Variants in OR2M3 observed in about 807,000 individuals in gnomAD.
The protein encoded by OR2M3 is olfactory receptor family 2 subfamily M member 3.
In OR2M3, 1 loss-of-function variant was observed where a neutral mutation model predicts 4.3. The ratio of observed to expected loss-of-function variants is 0.23; its 90% CI spans 0.08 to 1.11. The LOEUF (loss-of-function observed/expected upper bound fraction) is 1.11. Among genes scored for constraint, OR2M3 ranks in the 50% most tolerant of loss-of-function variants. The pLI is 0.54. For missense variants in OR2M3, 410 were observed against 390.4 expected, an observed-to-expected ratio of 1.05 and a Z score of -0.42; for synonymous variants, 151 against 139.4, an observed-to-expected ratio of 1.08 and a Z score of -0.59.
Position 248,203,237 on chromosome 1 carries a change from C to G in OR2M3, c.170C>G (p.Thr57Ser), listed in dbSNP as rs138886689. 1 of 1,614,052 alleles carries G rather than the reference C, an allele frequency of 6.2e-7. No individual in the cohort carries two copies. Among genetic ancestry groups the G allele is most frequent in the Admixed American group, 1.7e-5 (1 of 60,002 alleles). The change falls in exon 2 of 2, where the codon ACC (threonine) becomes AGC (serine). Residue 57 changes from threonine to serine, a missense_variant. Thr to Ser is a moderately conservative substitution (Grantham distance 58, BLOSUM62 1). Coordinates refer to ENST00000641626, the MANE Select transcript of OR2M3 (RefSeq NM_001004689.2). Reference protein sequence around the residue: ...LLIYLDTQLHTPMYLLLSQLS... With the variant: ...LLIYLDTQLHSPMYLLLSQLS... ...ATCTACCTGGACACCCAGCTCCACACCCCCATGTACCTCCTCCTCAGCCAA... is the reference window on the plus strand; with the variant it reads ...ATCTACCTGGACACCCAGCTCCACAGCCCCATGTACCTCCTCCTCAGCCAA...
rs1666241806 is a variant in OR2M3, at chr1:248,208,012, T to A, written c.*4006T>A. ...TCCACTGTTATGTGCAAATATATTT[T>A]GGATTGTAATATTTTCCTGTTAGAC... On this transcript the variant is annotated 3_prime_UTR_variant, in exon 2 of 2. Coordinates refer to ENST00000641626, the MANE Select transcript of OR2M3 (RefSeq NM_001004689.2). The A allele has an allele frequency of 6.6e-6, 1 of 152,082 alleles. No homozygotes were observed. Among genetic ancestry groups the A allele is most frequent in the South Asian group, 2.1e-4 (1 of 4,836 alleles). 9.4% of individuals were successfully genotyped at this position (152,082 alleles called of 1,614,324 possible).
rs1666235663 is a variant in OR2M3 at position 248,207,405 on chromosome 1, T to C, written c.*3399T>C. 1 of 152,034 alleles carries C rather than the reference T, an allele frequency of 6.6e-6. No homozygotes were observed. The highest frequency in any genetic ancestry group is 1.5e-5 in the Non-Finnish European group (1 of 67,942). 9.4% of individuals were successfully genotyped at this position (152,034 alleles called of 1,614,324 possible). A position where few individuals can be genotyped will look rare whatever the true frequency, so the allele number is the denominator to read the frequency against. ...CTGTGAGGTGCGACCTAAGATTATC[T>C]CTTTGTGCTGTCTCAGACTTTTTGA... On this transcript the variant is annotated 3_prime_UTR_variant, in exon 2 of 2. Transcript: ENST00000641626.
Position 248,207,482 on chromosome 1 carries a change from C to G in OR2M3, c.*3476C>G, listed in dbSNP as rs879447663. On this transcript the variant is annotated 3_prime_UTR_variant, in exon 2 of 2. Transcript: ENST00000641626. ...CCTCTTAGCACTGCTTTTGCTGTAT[C>G]CCAGAAGTTTTGCTAGGTTTTGTCA... is the stretch of plus-strand genomic sequence containing the variant. The G allele has an allele frequency of 2.0e-5, 3 of 152,020 alleles. No homozygotes were observed. The highest frequency in any genetic ancestry group is 4.8e-5 in the African/African-American group (2 of 41,406). The allele number at this position is 152,020 out of a possible 1,614,324, so 9.4% of individuals were successfully genotyped here. A position where few individuals can be genotyped will look rare whatever the true frequency, so the allele number is the denominator to read the frequency against.
intron 1 of OR2M3, among the ~76,000 whole-genome samples, chr1:248,201,163 A>G (rs1666152582): frequency 6.6e-6 from 1 of 152,184 alleles, no homozygotes. Flanking sequence ...TACGAGAAAC[A>G]TAATTCTAAA....
Position 248,212,655 on chromosome 1 carries a change from T to A in OR2M3, c.*8649T>A, listed in dbSNP as rs917126802. The A allele has an allele frequency of 1.3e-5, 2 of 152,060 alleles. No homozygotes were observed. Among genetic ancestry groups the A allele is most frequent in the African/African-American group, 4.8e-5 (2 of 41,450 alleles). 9.4% of individuals were successfully genotyped at this position (152,060 alleles called of 1,614,324 possible). A position where few individuals can be genotyped will look rare whatever the true frequency, so the allele number is the denominator to read the frequency against. On this transcript the variant is annotated 3_prime_UTR_variant, in exon 2 of 2. Transcript: ENST00000641626. The stretch of plus-strand genomic sequence containing the variant: ...TTTTATAATTTTAAACATAATTTTT[T>A]TCTAAGTTAATTGAAATTACTGATA...
At position 248,211,087 on chromosome 1, in the gene OR2M3, C is replaced by T. The variant is rs1666277239; in HGVS notation, c.*7081C>T. The T allele has an allele frequency of 6.6e-6, 1 of 152,184 alleles. No individual in the cohort carries two copies. Among genetic ancestry groups the T allele is most frequent in the Non-Finnish European group, 1.5e-5 (1 of 68,040 alleles). The allele number at this position is 152,184 out of a possible 1,614,324, so 9.4% of individuals were successfully genotyped here. On this transcript the variant is annotated 3_prime_UTR_variant, in exon 2 of 2. Transcript: ENST00000641626. ...AAATCTTCTTTTCCCAGGGTATAAA[C>T]TCAAAATTTTATTGAGACTCTTGAA... is the stretch of plus-strand genomic sequence containing the variant.
Position 248,210,812 on chromosome 1 carries a change from C to G in OR2M3, c.*6806C>G, listed in dbSNP as rs1250970507. 6.6e-6 allele frequency: 1 copy of G among 152,230 alleles called. No individual in the cohort carries two copies. The highest frequency in any genetic ancestry group is 1.5e-5 in the Non-Finnish European group (1 of 68,096). 9.4% of individuals were successfully genotyped at this position (152,230 alleles called of 1,614,324 possible). A position where few individuals can be genotyped will look rare whatever the true frequency, so the allele number is the denominator to read the frequency against. On this transcript the variant is annotated 3_prime_UTR_variant, in exon 2 of 2. Coordinates refer to ENST00000641626, the MANE Select transcript of OR2M3 (RefSeq NM_001004689.2). ...AAAACCTGTAAGAACTAATGATAAT[C>G]CCACCACACTTTGCTGATTCTCTTT... is the stretch of plus-strand genomic sequence containing the variant.
chr1:248,210,664 G>T lies in OR2M3; in HGVS notation c.*6658G>T, dbSNP rs917614707. On this transcript the variant is annotated 3_prime_UTR_variant, in exon 2 of 2. Coordinates refer to ENST00000641626, the MANE Select transcript of OR2M3 (RefSeq NM_001004689.2). ...TGTAATCTCCCCCACCCTTAAGAAG[G>T]TTCTTTGTAATCTCCCCAACTCTTA... 12 of 147,580 alleles carry T rather than the reference G, an allele frequency of 8.1e-5. No individual in the cohort carries two copies. The highest frequency in any genetic ancestry group is 2.9e-4 in the African/African-American group (11 of 37,538). 9.1% of individuals were successfully genotyped at this position (147,580 alleles called of 1,614,324 possible). A position where few individuals can be genotyped will look rare whatever the true frequency, so the allele number is the denominator to read the frequency against.
chr1:248,203,409 T>G lies in OR2M3; in HGVS notation c.342T>G (p.Leu114=), dbSNP rs753881204. ...YTSLLGSECF[L]LAVMAYDRYT... is the part of the protein sequence containing the mutation. ...CACTGCTTGGCTCTGAGTGCTTTCTTTTGGCTGTTATGGCTTATGACCGCT... is the reference window on the plus strand; with the variant it reads ...CACTGCTTGGCTCTGAGTGCTTTCTGTTGGCTGTTATGGCTTATGACCGCT... Residue 114 remains leucine, a synonymous_variant, in exon 2 of 2, where the codon CTT becomes CTG. Transcript: ENST00000641626. 3.7e-6 allele frequency: 6 copies of G among 1,613,962 alleles called. No individual in the cohort carries two copies. Among genetic ancestry groups the G allele is most frequent in the Non-Finnish European group, 5.1e-6 (6 of 1,180,006 alleles).
At position 248,204,171 on chromosome 1, in the gene OR2M3, T is replaced by C. The variant is rs1666199057; in HGVS notation, c.*165T>C. On this transcript the variant is annotated 3_prime_UTR_variant, in exon 2 of 2. Transcript: ENST00000641626. Reference sequence around the variant, plus strand: ...TTTCAGATAAACTATTATAACTATTTATTATTTTATATTCATTTCTGCTAT... The same window carrying C: ...TTTCAGATAAACTATTATAACTATTCATTATTTTATATTCATTTCTGCTAT... 1 of 530,042 alleles carries C rather than the reference T, an allele frequency of 1.9e-6. No individual in the cohort carries two copies. Among genetic ancestry groups the C allele is most frequent in the African/African-American group, 1.9e-5 (1 of 52,044 alleles). 32.8% of individuals were successfully genotyped at this position (530,042 alleles called of 1,614,324 possible).
Position 248,205,052 on chromosome 1 carries a change from G to A in OR2M3, c.*1046G>A, listed in dbSNP as rs894081398. ...ATTAGTGATGTCAAGCATTTTTCTA[G>A]ATGCTTGTTGGCTATTTATATATAT... On this transcript the variant is annotated 3_prime_UTR_variant, in exon 2 of 2. Coordinates refer to ENST00000641626, the MANE Select transcript of OR2M3 (RefSeq NM_001004689.2). 6.6e-6 allele frequency: 1 copy of A among 151,826 alleles called. No individual in the cohort carries two copies. Among genetic ancestry groups the A allele is most frequent in the Non-Finnish European group, 1.5e-5 (1 of 67,862 alleles). The allele number at this position is 151,826 out of a possible 1,614,324, so 9.4% of individuals were successfully genotyped here. A position where few individuals can be genotyped will look rare whatever the true frequency, so the allele number is the denominator to read the frequency against.
intron 1 of OR2M3, among the ~76,000 whole-genome samples, chr1:248,200,273 A>G (rs2103013113): frequency 6.6e-6 from 1 of 152,256 alleles, no homozygotes; most frequent in South Asian, 2.1e-4. Flanking sequence ...TATAATGGTC[A>G]GAATAGGTGG....
chr1:248,202,405 A>T (rs780193720), intron 1 of OR2M3, among the ~76,000 whole-genome samples: 1 of 152,160 alleles, frequency 6.6e-6, no homozygotes, highest in African/African-American at 2.4e-5. Flanking sequence ...ATGTATTTCC[A>T]AACAAGCTCA....
rs1666211958 is a variant in OR2M3, at chr1:248,205,184, G to GA, written c.*1181dup. The GA allele has an allele frequency of 1.3e-5, 2 of 151,970 alleles. No homozygotes were observed. Among genetic ancestry groups the GA allele is most frequent in the Admixed American group, 1.3e-4 (2 of 15,248 alleles). The allele number at this position is 151,970 out of a possible 1,614,324, so 9.4% of individuals were successfully genotyped here. A position where few individuals can be genotyped will look rare whatever the true frequency, so the allele number is the denominator to read the frequency against. On this transcript the variant is annotated 3_prime_UTR_variant, in exon 2 of 2. Coordinates refer to ENST00000641626, the MANE Select transcript of OR2M3 (RefSeq NM_001004689.2). ...TTGTTTGAGTTCTTTGTAGATTCTG[G>GA]AAATTAATCCCTTCTCAGATGTATA...
rs560138675 is a variant in OR2M3, at chr1:248,210,633, G to A, written c.*6627G>A. ...TGTAATGTCCCCCACCCTTAAGAAG[G>A]TTCTTTGTAATCTCCCCCACCCTTA... is the stretch of plus-strand genomic sequence containing the variant. On this transcript the variant is annotated 3_prime_UTR_variant, in exon 2 of 2. Coordinates refer to ENST00000641626, the MANE Select transcript of OR2M3 (RefSeq NM_001004689.2). 6.6e-6 allele frequency: 1 copy of A among 151,268 alleles called. No individual in the cohort carries two copies. The highest frequency in any genetic ancestry group is 1.5e-5 in the Non-Finnish European group (1 of 68,094). 9.4% of individuals were successfully genotyped at this position (151,268 alleles called of 1,614,324 possible). A position where few individuals can be genotyped will look rare whatever the true frequency, so the allele number is the denominator to read the frequency against.
At chr1:248,200,487 A>G (rs527489952) in intron 1 of OR2M3, among the ~76,000 whole-genome samples, 25 of 152,252 alleles carry the variant, frequency 1.6e-4, no homozygotes, top group Non-Finnish European at 1.5e-5. Flanking sequence ...TTCTCAAGAC[A>G]TTGACTGGAC....
In OR2M3 at chr1:248,203,925, TC is replaced by T. The variant is rs745772346; in HGVS notation, c.862del (p.Leu288SerfsTer10). Reference sequence around the variant, plus strand: ...ACACCATCCTCACTCCCATGTTGAATCCCCTCATCTACAGCCTCCGCAACAA... The same window carrying T: ...ACACCATCCTCACTCCCATGTTGAATCCCTCATCTACAGCCTCCGCAACAA... ...FYTILTPMLNPLIYSLRNKEV... is the reference protein window; with the variant it reads ...FYTILTPMLNXLIYSLRNKEV... On this transcript the variant is annotated frameshift_variant, in exon 2 of 2. Coordinates refer to ENST00000641626, the MANE Select transcript of OR2M3 (RefSeq NM_001004689.2). LOFTEE classifies it high-confidence loss of function. 3.2e-5 allele frequency: 51 copies of T among 1,613,880 alleles called. 1 individual carries two copies. In the African/African-American group the frequency reaches 5.9e-4, roughly 19 times the overall value.
rs750198948 is a variant in OR2M3, at chr1:248,203,804, T to C, written c.737T>C (p.Leu246Ser). Reference protein sequence around the residue: ...KAFTTCSSHLLVVGMYYGAAL... With the variant: ...KAFTTCSSHLSVVGMYYGAAL... Reference sequence around the variant, plus strand: ...TTTACTACTTGTTCCTCTCACCTCTTGGTGGTGGGAATGTACTATGGAGCA... The same window carrying C: ...TTTACTACTTGTTCCTCTCACCTCTCGGTGGTGGGAATGTACTATGGAGCA... The change falls in exon 2 of 2, where the codon TTG becomes TCG. Residue 246 changes from leucine to serine, a missense_variant. By Grantham distance (145) the Leu-to-Ser change is moderately radical. Transcript: ENST00000641626. 1.2e-5 allele frequency: 20 copies of C among 1,613,088 alleles called. No homozygotes were observed. Among genetic ancestry groups the C allele is most frequent in the Non-Finnish European group, 1.6e-5 (19 of 1,179,808 alleles).
chr1:248,202,584 C>T (rs1005043033), intron 1 of OR2M3, among the ~76,000 whole-genome samples: 3 of 152,076 alleles, frequency 2.0e-5, no homozygotes, highest in Non-Finnish European at 4.4e-5. Flanking sequence ...AAGTAATAGA[C>T]AAACAGATTT....
Sources: gnomAD v4.1 joint callset for allele counts (sites outside exome capture counted in the v4.1 genomes callset) on GRCh38, gnomAD v4.1.1 for gene constraint, MANE v1.5 for transcripts, NCBI Gene and HGNC (gene_info 2026-07-23, HGNC 2026-07-21) for gene names.